The following HERPUD2 variants were observed in gnomAD, a reference collection of about 807,000 sequenced individuals.
The protein encoded by HERPUD2 is HERPUD family member 2.
HERPUD2 carries 13 observed loss-of-function variants against 49.9 expected under a neutral mutation model. That is an observed-to-expected ratio of 0.26 (90% CI 0.17 to 0.41). HERPUD2 has a LOEUF of 0.41. Among genes scored for constraint, HERPUD2 ranks in the 10% least tolerant of loss-of-function variants. The probability of loss-of-function intolerance (pLI) is 1.00; values close to 1 mark genes in which losing one functional copy is unlikely to be tolerated. For synonymous variants in HERPUD2, 172 were observed against 171.4 expected (o/e 1.00, Z -0.03); for missense variants, 449 against 492.2 (o/e 0.91, Z 0.83).
chr7:35,637,159 A>AT (rs1249080850), intron 6 of HERPUD2, among the ~76,000 whole-genome samples: 92 of 145,620 alleles, frequency 6.3e-4, no homozygotes, highest in East Asian at 5.3e-3. Context: ...AGAAAGAAAG[A>AT]AAGATAGATA....
intron 5 of HERPUD2, among the ~76,000 whole-genome samples, chr7:35,642,774 AGAG>A (rs991941866): frequency 1.3e-5 from 2 of 152,156 alleles, no homozygotes; most frequent in African/African-American, 2.4e-5. Flanking sequence ...ATGGACACAA[AGAG>A]GAGAATAACA....
chr7:35,664,770 T>G (rs1377710185), intron 5 of HERPUD2, among the ~76,000 whole-genome samples: 2 of 152,212 alleles, frequency 1.3e-5, no homozygotes, highest in African/African-American at 2.4e-5. Flanking sequence ...TCTATGCTGT[T>G]TATTCTCGTT....
intron 4 of HERPUD2, among the ~76,000 whole-genome samples, 154 bp downstream of exon 4, chr7:35,670,061 A>G (rs564416455): frequency 7.9e-5 from 12 of 152,078 alleles, no homozygotes; most frequent in African/African-American, 2.7e-4. Flanking sequence ...AAAATGGTAA[A>G]CTTTACAAAA....
Position 35,673,274 on chromosome 7 carries a change from G to A in HERPUD2, c.152C>T (p.Thr51Met), listed in dbSNP as rs771583826. 31 of 1,606,256 alleles carry A rather than the reference G, an allele frequency of 1.9e-5. No individual in the cohort carries two copies. Among genetic ancestry groups the A allele is most frequent in the East Asian group, 4.5e-5 (2 of 44,626 alleles). ...LSNVYPSKPLTKDQRLVYSGR... is the reference protein window; with the variant it reads ...LSNVYPSKPLMKDQRLVYSGR... ...CGAATACACCAATCTCTGATCCTTCGTCAACTAAGAAATGGGACAAAGAAA... is the reference window on the plus strand; with the variant it reads ...CGAATACACCAATCTCTGATCCTTCATCAACTAAGAAATGGGACAAAGAAA... The change falls in exon 3 of 9, where the codon ACG (threonine) becomes ATG (methionine). Residue 51 changes from threonine to methionine, a missense_variant. Transcript: ENST00000311350.
intron 2 of HERPUD2, among the ~76,000 whole-genome samples, chr7:35,682,355 G>A (rs868545090): frequency 0.19 from 5,636 of 30,182 alleles, 1,169 homozygotes; most frequent in African/African-American, 0.35. Context: ...GTGTGTGTGT[G>A]TGTATATATA....
At chr7:35,681,970 A>C (rs1261012921) in intron 2 of HERPUD2, among the ~76,000 whole-genome samples, 6 of 152,192 alleles carry the variant, frequency 3.9e-5, no homozygotes, top group African/African-American at 1.4e-4. Flanking sequence ...TATACTTTAA[A>C]GGGCAAATTT....
Position 35,635,285 on chromosome 7 carries a change from C to T in HERPUD2, c.791G>A (p.Gly264Asp). ...GAAGTCTTCTTCATTTAGTACTGGA[C>T]CTCCCTGTGCATTCATTTGAACATT... The part of the protein sequence containing the change: ...NENVQMNAQG[G>D]PVLNEEDFNR... The change falls in exon 7 of 9, where the codon GGT (glycine) becomes GAT (aspartate). Residue 264 changes from glycine (G) to aspartate (D), a missense_variant. Physicochemically the swap from Gly to Asp is moderately conservative, Grantham distance 94. Transcript: ENST00000311350. 1 of 1,614,068 alleles carries T rather than the reference C, an allele frequency of 6.2e-7. No individual in the cohort carries two copies. Among genetic ancestry groups the T allele is most frequent in the Non-Finnish European group, 8.5e-7 (1 of 1,180,016 alleles).
chr7:35,649,573 C>T (rs1486613399), intron 5 of HERPUD2, among the ~76,000 whole-genome samples: 3 of 152,056 alleles, frequency 2.0e-5, no homozygotes, highest in Admixed American at 6.6e-5. Context: ...TTTAGGGAGA[C>T]ATGGGACATC....
At position 35,686,734 on chromosome 7, in the gene HERPUD2, A is replaced by AC. The variant is rs1786059648; in HGVS notation, c.147+7449_147+7450insG. On this transcript the variant is annotated intron_variant, in intron 2 of 8. Coordinates refer to ENST00000311350, the MANE Select transcript of HERPUD2 (RefSeq NM_022373.5). ...ACTCCGTCTCAAAAAAAAAAAAAAAAAAAAAAAAAAACCAAACCCATTTCC... is the reference window on the plus strand; with the variant it reads ...ACTCCGTCTCAAAAAAAAAAAAAAAACAAAAAAAAAAACCAAACCCATTTCC... Among the ~76,000 whole-genome samples, 5 of 102,974 alleles carry AC rather than the reference A, an allele frequency of 4.9e-5. 1 individual carries two copies. The highest frequency in any genetic ancestry group is 9.2e-4 in the South Asian group (2 of 2,176). 67.6% of individuals were successfully genotyped at this position (102,974 alleles called of 152,430 possible). A position where few individuals can be genotyped will look rare whatever the true frequency, so the allele number is the denominator to read the frequency against.
chr7:35,675,539 G>A (rs1479013663), intron 2 of HERPUD2, among the ~76,000 whole-genome samples: 2 of 152,080 alleles, frequency 1.3e-5, no homozygotes, highest in African/African-American at 4.8e-5. Flanking sequence ...ATACTTTTAC[G>A]TCATATCATC....
chr7:35,654,596 A>T (rs1469037918), intron 5 of HERPUD2, among the ~76,000 whole-genome samples: 4 of 21,276 alleles, frequency 1.9e-4, no homozygotes, highest in Non-Finnish European at 3.1e-4. Flanking sequence ...ATCAGTAATT[A>T]AAAAAAAAAA....
At chr7:35,678,420 C>G (rs1325394576) in intron 2 of HERPUD2, among the ~76,000 whole-genome samples, 3 of 152,042 alleles carry the variant, frequency 2.0e-5, no homozygotes, top group Non-Finnish European at 4.4e-5. Context: ...CCTGCCTCAG[C>G]CTTCGGAGTA....
At chr7:35,678,234 A>T (rs1785807521) in intron 2 of HERPUD2, among the ~76,000 whole-genome samples, 1 of 128,334 alleles carries the variant, frequency 7.8e-6, no homozygotes, top group Non-Finnish European at 1.8e-5. Context: ...GTCACTTCAC[A>T]TTATTAAAAA....
intron 5 of HERPUD2, among the ~76,000 whole-genome samples, chr7:35,647,799 A>G (rs1785082250): frequency 6.6e-6 from 1 of 152,328 alleles, no homozygotes; most frequent in South Asian, 2.1e-4. Context: ...CATTCTCCTC[A>G]TCCATAAGTG....
chr7:35,636,294 G>A (rs1784870707), intron 6 of HERPUD2, among the ~76,000 whole-genome samples: 1 of 152,164 alleles, frequency 6.6e-6, no homozygotes, highest in African/African-American at 2.4e-5. Context: ...TAATAATCAA[G>A]AGAGCACAAG....
At chr7:35,674,027 C>A (rs1299242122) in intron 2 of HERPUD2, among the ~76,000 whole-genome samples, 1 of 152,046 alleles carries the variant, frequency 6.6e-6, no homozygotes, top group South Asian at 2.1e-4. Flanking sequence ...GGTGAATGTT[C>A]TTTGAATTTT....
chr7:35,670,357 G>T (rs193054471), intron 3 of HERPUD2, 29 bp from the exon 4 acceptor site: 1 of 1,081,298 alleles, frequency 9.2e-7, no homozygotes, highest in Non-Finnish European at 1.3e-6. Flanking sequence ...ACATTTAAAG[G>T]GTAGTACTAC....
chr7:35,640,492 T>C (rs1784952443), intron 5 of HERPUD2, among the ~76,000 whole-genome samples: 3 of 152,184 alleles, frequency 2.0e-5, no homozygotes, highest in Admixed American at 1.3e-4. Flanking sequence ...ATGGAGAATA[T>C]AAGGTGATTG....
rs1187028401 is a variant in HERPUD2 at position 35,635,505 on chromosome 7, C to T, written c.618-47G>A. ...ATATTAAAAAGAAAAAAAAACTTTA[C>T]CATACCATATTTTTTTAAACTTCTT... On this transcript the variant is annotated intron_variant, in intron 6 of 8. Transcript: ENST00000311350. 2.0e-6 allele frequency: 3 copies of T among 1,490,642 alleles called. No homozygotes were observed. The East Asian group carries it at 6.9e-5, about 34-fold the overall frequency. The allele number at this position is 1,490,642 out of a possible 1,614,324, so 92.3% of individuals were successfully genotyped here.
Sources: allele counts gnomAD v4.1 joint callset (sites outside exome capture counted in the v4.1 genomes callset), GRCh38; gene constraint gnomAD v4.1.1; transcripts MANE v1.5; gene names NCBI Gene and HGNC (gene_info 2026-07-23, HGNC 2026-07-21).